Variants in WRN observed in about 807,000 individuals in gnomAD.
WRN encodes the protein bifunctional 3'-5' exonuclease/ATP-dependent helicase WRN.
A neutral mutation model predicts 180.7 loss-of-function variants in WRN; 149 were observed. That is an observed-to-expected ratio of 0.82 (90% CI 0.72 to 0.94). The LOEUF is 0.94. Among genes scored for constraint, WRN ranks in the 40% least tolerant of loss-of-function variants. The pLI is 0.00. For synonymous variants in WRN, 548 were observed against 568.9 expected (o/e 0.96, Z 0.52); for missense variants, 1,661 against 1,700.1 (o/e 0.98, Z 0.40).
At chr8:31,171,911 G>A (rs528948480) in intron 34 of WRN, among the ~76,000 whole-genome samples, 2 of 152,092 alleles carry the variant, frequency 1.3e-5, no homozygotes, top group South Asian at 4.2e-4. Flanking sequence ...CTTAGATAAG[G>A]CCAACCTTCT....
At chr8:31,110,193 C>T (rs770284260) in intron 18 of WRN, among the ~76,000 whole-genome samples, 14 of 152,092 alleles carry the variant, frequency 9.2e-5, no homozygotes, top group Admixed American at 6.5e-4. Flanking sequence ...TTTGTTAAAA[C>T]CTGTGTGTTA....
intron 17 of WRN, among the ~76,000 whole-genome samples, chr8:31,099,424 G>T (rs1814124800): frequency 6.7e-6 from 1 of 148,438 alleles, no homozygotes. Flanking sequence ...GGAAAAATCA[G>T]TCACTCACTC....
At chr8:31,152,006 A>C (rs1250409059) in intron 31 of WRN, among the ~76,000 whole-genome samples, 1 of 152,160 alleles carries the variant, frequency 6.6e-6, no homozygotes, top group Non-Finnish European at 1.5e-5. Context: ...AATAGGAAAA[A>C]TATGCTAAAA....
rs2130157371 is a variant in WRN at position 31,087,904 on chromosome 8, A to G, written c.1560A>G (p.Glu520=). 1 of 1,613,360 alleles carries G rather than the reference A, an allele frequency of 6.2e-7. No homozygotes were observed. Among genetic ancestry groups the G allele is most frequent in the Non-Finnish European group, 8.5e-7 (1 of 1,179,606 alleles). ...EDDENEANEG[E]EDDDKDFLWP... ...ATGAAAATGAAGCTAATGAAGGGGA[A>G]GAAGATGATGATAAGGGTAAGCACT... The change falls in exon 12 of 35, where the codon GAA becomes GAG. Residue 520 remains glutamate (E), a synonymous_variant. Coordinates refer to ENST00000298139, the MANE Select transcript of WRN (RefSeq NM_000553.6).
At position 31,174,361 on chromosome 8, in the gene WRN, A is replaced by T. The variant is rs10092417; in HGVS notation, c.*1259A>T. 8.5e-5 allele frequency among the ~76,000 whole-genome samples: 13 copies of T among 152,168 alleles called. No individual in the cohort carries two copies. The highest frequency in any genetic ancestry group is 3.9e-4 in the Admixed American group (6 of 15,292). On this transcript the variant is annotated 3_prime_UTR_variant, in exon 35 of 35. Coordinates refer to ENST00000298139, the MANE Select transcript of WRN (RefSeq NM_000553.6). The stretch of plus-strand genomic sequence containing the variant: ...TAGGTACGAGGCTGTCTCCAGGAGA[A>T]GCACTTGTTTGATTATTTGAGTTGC...
At chr8:31,120,596 A>T (rs1801689829) in intron 21 of WRN, among the ~76,000 whole-genome samples, 172 bp downstream of exon 21, 1 of 151,880 alleles carries the variant, frequency 6.6e-6, no homozygotes, top group African/African-American at 2.4e-5. Context: ...ACATGTAAGA[A>T]GAACATTTGT....
At chr8:31,084,694 G>C (rs1159861755) in intron 10 of WRN, among the ~76,000 whole-genome samples, 1 of 152,146 alleles carries the variant, frequency 6.6e-6, no homozygotes. Flanking sequence ...CAATTATATA[G>C]AGAATGCTAT....
chr8:31,153,744 AC>A (rs56776821), intron 31 of WRN, among the ~76,000 whole-genome samples: 8,478 of 152,262 alleles, frequency 0.056, 261 homozygotes, highest in South Asian at 0.086. Flanking sequence ...GTAAATTAGT[AC>A]TCAACTAATA....
chr8:31,074,510 AAAGG>A (rs2130086784), intron 7 of WRN, among the ~76,000 whole-genome samples: 1 of 151,202 alleles, frequency 6.6e-6, no homozygotes, highest in Non-Finnish European at 1.5e-5. Flanking sequence ...GTTCACAAAG[AAAGG>A]AAGAGGTTTG....
chr8:31,047,091 G>T (rs1446491170), intron 1 of WRN, among the ~76,000 whole-genome samples: 1 of 149,018 alleles, frequency 6.7e-6, no homozygotes, highest in Non-Finnish European at 1.5e-5. Context: ...ACTTAAATTG[G>T]TCTTACTGTA....
At chr8:31,114,880 G>A (rs1801452238) in intron 19 of WRN, among the ~76,000 whole-genome samples, 1 of 147,878 alleles carries the variant, frequency 6.8e-6, no homozygotes, top group Non-Finnish European at 1.5e-5. Flanking sequence ...TTGAAAACAT[G>A]TTTTTAAAAT....
intron 34 of WRN, among the ~76,000 whole-genome samples, chr8:31,170,042 T>C (rs1804046215): frequency 6.6e-6 from 1 of 152,186 alleles, no homozygotes; most frequent in African/African-American, 2.4e-5. Flanking sequence ...GTTCTCTTGT[T>C]ATCAGACACC....
rs889300977 is a variant in WRN at position 31,167,206 on chromosome 8, G to A, written c.4167G>A (p.Lys1389=). ...EEICSSSKRS[K]EEVGINTETS... Reference sequence around the variant, plus strand: ...TCTGTTCAAGTTCTAAGAGAAGCAAGGAAGAAGTAGGCATCAATACTGAGG... The same window carrying A: ...TCTGTTCAAGTTCTAAGAGAAGCAAAGAAGAAGTAGGCATCAATACTGAGG... The change falls in exon 34 of 35, where the codon AAG becomes AAA. Residue 1389 remains lysine, a synonymous_variant. Coordinates refer to ENST00000298139, the MANE Select transcript of WRN (RefSeq NM_000553.6). 6.8e-6 allele frequency: 11 copies of A among 1,613,012 alleles called. No homozygotes were observed. Among genetic ancestry groups the A allele is most frequent in the Non-Finnish European group, 8.5e-6 (10 of 1,179,310 alleles).
At chr8:31,053,279 A>G (rs1812145901) in intron 1 of WRN, among the ~76,000 whole-genome samples, 1 of 152,256 alleles carries the variant, frequency 6.6e-6, no homozygotes, top group African/African-American at 2.4e-5. Flanking sequence ...ACAGGAAGAT[A>G]TAAAAGCTTT....
intron 16 of WRN, 122 bp from the exon 17 acceptor site, chr8:31,096,646 A>T: frequency 1.3e-6 from 1 of 786,888 alleles, no homozygotes; most frequent in Non-Finnish European, 2.0e-6. Flanking sequence ...AGTATTATTT[A>T]AACTTTCATA....
intron 3 of WRN, among the ~76,000 whole-genome samples, chr8:31,060,464 G>A (rs1380271866): frequency 2.0e-5 from 3 of 152,084 alleles, no homozygotes; most frequent in Non-Finnish European, 4.4e-5. Flanking sequence ...TTTTGGGCCC[G>A]AGAGGTTGAG....
intron 7 of WRN, among the ~76,000 whole-genome samples, chr8:31,073,632 A>G (rs1238165023): frequency 6.6e-6 from 1 of 152,178 alleles, no homozygotes; most frequent in Non-Finnish European, 1.5e-5. Flanking sequence ...ACTGAATGAG[A>G]TAAAATAGGG....
chr8:31,099,419 A>T (rs2725389), intron 17 of WRN, among the ~76,000 whole-genome samples: 5,776 of 147,330 alleles, frequency 0.039, 397 homozygotes, highest in East Asian at 0.26. Flanking sequence ...AGGAAGGAAA[A>T]ATCAGTCACT....
intron 2 of WRN, 33 bp downstream of exon 2, chr8:31,058,576 G>C (rs1033260656): frequency 6.3e-7 from 1 of 1,597,984 alleles, no homozygotes; most frequent in African/African-American, 1.3e-5. Flanking sequence ...TTTTGGGTGA[G>C]AAATTTAATT....
Sources: gnomAD v4.1 joint callset for allele counts (sites outside exome capture counted in the v4.1 genomes callset) on GRCh38, gnomAD v4.1.1 for gene constraint, MANE v1.5 for transcripts, NCBI Gene and HGNC (gene_info 2026-07-23, HGNC 2026-07-21) for gene names.